Variants in GRIK5 observed in about 807,000 individuals in gnomAD.
The protein encoded by GRIK5 is glutamate receptor ionotropic, kainate 5.
GRIK5 carries 43 observed loss-of-function variants against 97.4 expected under a neutral mutation model. That is an observed-to-expected ratio of 0.44 (90% CI 0.35 to 0.57). The LOEUF is 0.57. Among genes scored for constraint, GRIK5 ranks in the 20% least tolerant of loss-of-function variants. GRIK5 has a pLI of 0.01. For synonymous variants in GRIK5, 580 were observed against 583.5 expected, an observed-to-expected ratio of 0.99 and a Z score of 0.09; for missense variants, 1,015 against 1,382.0, an observed-to-expected ratio of 0.73 and a Z score of 4.21.
At chr19:42,019,011 C>T (rs1378101525) in intron 15 of GRIK5, among the ~76,000 whole-genome samples, 1 of 152,130 alleles carries the variant, frequency 6.6e-6, no homozygotes, top group Admixed American at 6.5e-5. Context: ...AGAGAGTGGG[C>T]CCCAGGGCCA....
At chr19:42,064,769 T>C (rs552845820) in intron 3 of GRIK5, among the ~76,000 whole-genome samples, 60 of 152,354 alleles carry the variant, frequency 3.9e-4, no homozygotes, top group African/African-American at 1.2e-3. Flanking sequence ...CAGTATTCCA[T>C]AGACACTTCC....
chr19:42,032,706 C>T (rs999753901), intron 12 of GRIK5, among the ~76,000 whole-genome samples: 1 of 152,202 alleles, frequency 6.6e-6, no homozygotes, highest in African/African-American at 2.4e-5. Flanking sequence ...CAGCAAACTG[C>T]TCCTCCCATG....
intron 1 of GRIK5, chr19:42,068,875 T>A (rs1451255110): frequency 4.4e-6 from 3 of 683,378 alleles, no homozygotes; most frequent in Non-Finnish European, 5.3e-6. Context: ...AGGCAGAGGA[T>A]GAGGCTCAGA....
Position 42,065,673 on chromosome 19 carries a change from G to T in GRIK5, c.79+19C>A. 1 of 1,554,804 alleles carries T rather than the reference G, an allele frequency of 6.4e-7. No homozygotes were observed. Among genetic ancestry groups the T allele is most frequent in the Non-Finnish European group, 8.7e-7 (1 of 1,149,480 alleles). ...CCCAGGGCCTGAGGATGCAGGGGCA[G>T]GGTGCGGGAGGGCCTCACCCATGCG... On this transcript the variant is annotated intron_variant, in intron 2 of 19. Transcript: ENST00000593562. The surrounding 1 kb of genome is among the most constrained non-coding windows in gnomAD (Gnocchi z 5.8).
At chr19:42,033,317 CAAAA>C (rs1006793815) in intron 12 of GRIK5, among the ~76,000 whole-genome samples, 2 of 42,204 alleles carry the variant, frequency 4.7e-5, no homozygotes, top group African/African-American at 1.8e-4. Flanking sequence ...GACTCCGTCT[CAAAA>C]AAAAAAAAAA....
At chr19:42,041,242 T>G (rs937088610) in intron 12 of GRIK5, among the ~76,000 whole-genome samples, 3 of 152,222 alleles carry the variant, frequency 2.0e-5, no homozygotes, top group African/African-American at 7.2e-5. Flanking sequence ...GAATCTCTGA[T>G]GAGCTCTGTC....
At chr19:42,048,014 C>T (rs886543034) in intron 11 of GRIK5, among the ~76,000 whole-genome samples, 4 of 151,542 alleles carry the variant, frequency 2.6e-5, no homozygotes, top group Middle Eastern at 3.5e-3. Flanking sequence ...ATTTTGACTC[C>T]CCTACCTCAC....
rs541053617 is a variant in GRIK5, at chr19:42,005,649, C to T, written c.2263+74G>A. The T allele has an allele frequency of 4.3e-5, 46 of 1,059,640 alleles. No homozygotes were observed. In the African/African-American group the frequency reaches 4.5e-4, roughly 10 times the overall value. The allele number at this position is 1,059,640 out of a possible 1,614,324, so 65.6% of individuals were successfully genotyped here. A position where few individuals can be genotyped will look rare whatever the true frequency, so the allele number is the denominator to read the frequency against. On this transcript the variant is annotated intron_variant, in intron 17 of 19. Coordinates refer to ENST00000593562, the MANE Select transcript of GRIK5 (RefSeq NM_002088.5). Reference sequence around the variant, plus strand: ...CAGCCTGCCTCGGGGGTGCCTGGCCCGGTCCTGGGCCTGCTCACAGGTGGT... The same window carrying T: ...CAGCCTGCCTCGGGGGTGCCTGGCCTGGTCCTGGGCCTGCTCACAGGTGGT...
chr19:42,041,399 C>A (rs1286187854), intron 12 of GRIK5, among the ~76,000 whole-genome samples: 1 of 152,216 alleles, frequency 6.6e-6, no homozygotes, highest in African/African-American at 2.4e-5. Flanking sequence ...TTTCTCCCAC[C>A]TGGAATAAAA....
In GRIK5 at chr19:42,065,819, A is replaced by C; in HGVS notation, c.-49T>G. On this transcript the variant is annotated splice_region_variant and 5_prime_UTR_variant, in exon 2 of 20. Coordinates refer to ENST00000593562, the MANE Select transcript of GRIK5 (RefSeq NM_002088.5). This position sits in a 1 kb window ranked among gnomAD's most constrained non-coding sequence, Gnocchi z 5.8. ...GCAGCTGCCGCGGCCCCCACTCGCC[A>C]CCTGCAGGGAGACCCCCCAGACCAA... The C allele has an allele frequency of 6.9e-7, 1 of 1,441,682 alleles. No homozygotes were observed. Among genetic ancestry groups the C allele is most frequent in the Non-Finnish European group, 9.5e-7 (1 of 1,056,538 alleles). 89.3% of individuals were successfully genotyped at this position (1,441,682 alleles called of 1,614,324 possible).
At chr19:42,055,779 T>A (rs2076175194) in intron 8 of GRIK5, among the ~76,000 whole-genome samples, 1 of 150,450 alleles carries the variant, frequency 6.6e-6, no homozygotes, top group Non-Finnish European at 1.5e-5. Context: ...ACCTCCCAGG[T>A]TCAAGCGACT....
In GRIK5 at chr19:42,059,481, C is replaced by G. The variant is rs576798351; in HGVS notation, c.555G>C (p.Lys185Asn). 6.2e-7 allele frequency: 1 copy of G among 1,613,564 alleles called. No homozygotes were observed. The highest frequency in any genetic ancestry group is 8.5e-7 in the Non-Finnish European group (1 of 1,179,966). ...CCAACATCCTCACTGACAGCGTCTC[C>G]TTGGAGATGAGGAAGCCACGCACCA... ...EELVRGFLISKETLSVRMLDD... is the reference protein window; with the variant it reads ...EELVRGFLISNETLSVRMLDD... The change falls in exon 6 of 20, where the codon AAG becomes AAC. Residue 185 changes from lysine (K) to asparagine (N), a missense_variant. Physicochemically the swap from Lys to Asn is moderately conservative, Grantham distance 94. Coordinates refer to ENST00000593562, the MANE Select transcript of GRIK5 (RefSeq NM_002088.5).
At position 42,056,749 on chromosome 19, in the gene GRIK5, C is replaced by T. The variant is rs369691844; in HGVS notation, c.816G>A (p.Thr272=). ...SNILGFSMFN[T]SHPFYPEFVR... ...CAAACTCAGGGTAGAAGGGGTGGGACGTGTTGAACATGGAGAAGCCCAGGA... is the reference window on the plus strand; with the variant it reads ...CAAACTCAGGGTAGAAGGGGTGGGATGTGTTGAACATGGAGAAGCCCAGGA... Residue 272 remains threonine (T), a synonymous_variant, in exon 8 of 20, where the codon ACG becomes ACA. Coordinates refer to ENST00000593562, the MANE Select transcript of GRIK5 (RefSeq NM_002088.5). 14 of 1,613,874 alleles carry T rather than the reference C, an allele frequency of 8.7e-6. No homozygotes were observed. Among genetic ancestry groups the T allele is most frequent in the Admixed American group, 1.7e-5 (1 of 60,008 alleles).
intron 11 of GRIK5, among the ~76,000 whole-genome samples, chr19:42,046,618 G>A (rs904148070): frequency 6.6e-6 from 1 of 152,122 alleles, no homozygotes; most frequent in African/African-American, 2.4e-5. Context: ...AAGAATCCCA[G>A]GCAACCACTA....
intron 5 of GRIK5, among the ~76,000 whole-genome samples, 172 bp from the exon 6 acceptor site, chr19:42,059,699 C>A (rs2076234458): frequency 1.3e-5 from 2 of 152,092 alleles, no homozygotes; most frequent in Admixed American, 6.6e-5. Context: ...AGCCTGGGCC[C>A]TCCCCAATTA....
chr19:42,048,739 T>C (rs1002690993), intron 11 of GRIK5, among the ~76,000 whole-genome samples: 5 of 151,928 alleles, frequency 3.3e-5, no homozygotes, highest in African/African-American at 1.2e-4. Context: ...AATGAGGATT[T>C]CCAAATAGCC....
intron 12 of GRIK5, among the ~76,000 whole-genome samples, chr19:42,025,633 T>C (rs1181604465): frequency 6.6e-6 from 1 of 152,262 alleles, no homozygotes; most frequent in African/African-American, 2.4e-5. Context: ...GCATCCATCC[T>C]CAAGCCTCCT....
In GRIK5 at chr19:42,003,698, G is replaced by A. The variant is rs782026918; in HGVS notation, c.2264-15C>T. 9.4e-6 allele frequency: 15 copies of A among 1,600,282 alleles called. No homozygotes were observed. The highest frequency in any genetic ancestry group is 4.0e-5 in the African/African-American group (3 of 74,788). Reference sequence around the variant, plus strand: ...GAACGGGGAGCCTGGGCAGGCACACGAGGGGCTGGACCAGCCATCGGGCCC... The same window carrying A: ...GAACGGGGAGCCTGGGCAGGCACACAAGGGGCTGGACCAGCCATCGGGCCC... On this transcript the variant is annotated splice_polypyrimidine_tract_variant and intron_variant, in intron 17 of 19. Coordinates refer to ENST00000593562, the MANE Select transcript of GRIK5 (RefSeq NM_002088.5). The surrounding 1 kb of genome is among the most constrained non-coding windows in gnomAD (Gnocchi z 4.2).
chr19:42,056,276 G>A (rs570100045), intron 8 of GRIK5, among the ~76,000 whole-genome samples: 12 of 152,284 alleles, frequency 7.9e-5, no homozygotes, highest in Admixed American at 2.0e-4. Context: ...GAGCCACCGC[G>A]CCGGGCCAAG....
Sources: allele counts gnomAD v4.1 joint callset (sites outside exome capture counted in the v4.1 genomes callset), GRCh38; gene constraint gnomAD v4.1.1; non-coding constraint Gnocchi (gnomAD v3.1); transcripts MANE v1.5; gene names NCBI Gene and HGNC (gene_info 2026-07-23, HGNC 2026-07-21).